The following GLMN variants were observed in gnomAD, a reference collection of about 807,000 sequenced individuals.
The protein encoded by GLMN is glomulin, FKBP associated protein.
A neutral mutation model predicts 87.8 loss-of-function variants in GLMN; 75 were observed. That is an observed-to-expected ratio of 0.85 (90% CI 0.71 to 1.04). GLMN has a LOEUF of 1.04. Among genes scored for constraint, GLMN ranks in the 50% least tolerant of loss-of-function variants. The pLI, the probability that GLMN is intolerant of heterozygous loss-of-function variation, is 0.00. For synonymous variants in GLMN, 206 were observed against 221.6 expected, an observed-to-expected ratio of 0.93 and a Z score of 0.63; for missense variants, 588 against 658.8, an observed-to-expected ratio of 0.89 and a Z score of 1.18.
At chr1:92,251,081 G>A (rs1397667031) in intron 16 of GLMN, among the ~76,000 whole-genome samples, 3 of 152,006 alleles carry the variant, frequency 2.0e-5, no homozygotes, top group Non-Finnish European at 4.4e-5. Flanking sequence ...ACTCTTTGTG[G>A]CAGAAATTGA....
chr1:92,263,816 A>T (rs1297264900), intron 14 of GLMN, 84 bp from the exon 15 acceptor site: 1 of 783,670 alleles, frequency 1.3e-6, no homozygotes, highest in Non-Finnish European at 2.4e-6. Flanking sequence ...TACAAAAATG[A>T]AGAATTGCAC....
chr1:92,280,060 C>T (rs202134692), intron 7 of GLMN, among the ~76,000 whole-genome samples: 6 of 152,254 alleles, frequency 3.9e-5, no homozygotes, highest in Non-Finnish European at 7.3e-5. Flanking sequence ...CAGCAGACAG[C>T]TTCTGCAGAC....
the GLMN span, among the ~76,000 whole-genome samples, chr1:92,306,350 T>C: frequency 2.3e-4 from 35 of 152,194 alleles, no homozygotes; most frequent in African/African-American, 8.0e-4. Context: ...AAAATGCTTA[T>C]GATGATAAAT....
At chr1:92,362,109 T>C in the GLMN span, among the ~76,000 whole-genome samples, 3 of 152,220 alleles carry the variant, frequency 2.0e-5, no homozygotes, top group Non-Finnish European at 4.4e-5. Context: ...TTTTAAAACA[T>C]AGCCTTGCAA....
chr1:92,320,543 T>TA, the GLMN span: 2 of 1,498,554 alleles, frequency 1.3e-6, no homozygotes, highest in Non-Finnish European at 1.9e-6. Flanking sequence ...GTGCTGGGGT[T>TA]ACAGGCATGA....
At chr1:92,266,953 G>A (rs557356790) in intron 11 of GLMN, among the ~76,000 whole-genome samples, 285 of 152,246 alleles carry the variant, frequency 1.9e-3, no homozygotes, top group African/African-American at 6.5e-3. Context: ...GTCACACAGT[G>A]TACTTTTAAA....
the GLMN span, among the ~76,000 whole-genome samples, chr1:92,354,897 A>G: frequency 5.4e-5 from 8 of 148,590 alleles, no homozygotes; most frequent in African/African-American, 2.0e-4. Flanking sequence ...GTAAATTATT[A>G]TTATTATTAT....
intron 8 of GLMN, among the ~76,000 whole-genome samples, 196 bp downstream of exon 8, chr1:92,271,269 A>G (rs1656205340): frequency 6.6e-6 from 1 of 152,100 alleles, no homozygotes; most frequent in Non-Finnish European, 1.5e-5. Context: ...CACCTATTTC[A>G]ACACTCCCCA....
At chr1:92,325,105 A>G in the GLMN span, among the ~76,000 whole-genome samples, 1 of 152,188 alleles carries the variant, frequency 6.6e-6, no homozygotes, top group East Asian at 1.9e-4. Context: ...GAGATTGAAA[A>G]TGTGCCACTG....
At chr1:92,264,687 G>A (rs1295872837) in intron 13 of GLMN, 49 bp from the exon 14 acceptor site, 4 of 972,796 alleles carry the variant, frequency 4.1e-6, no homozygotes, top group Admixed American at 1.7e-5. Flanking sequence ...GACAGCATTA[G>A]AATTAAATGG....
upstream of GLMN, chr1:92,300,323 CTT>C (rs565648906): frequency 2.2e-4 from 179 of 829,834 alleles, no homozygotes; most frequent in South Asian, 4.0e-4. Flanking sequence ...TAATGGTTAC[CTT>C]TTTTTTTTTA....
chr1:92,287,875 AAATAT>A (rs1246449595), intron 6 of GLMN, among the ~76,000 whole-genome samples: 1 of 152,110 alleles, frequency 6.6e-6, no homozygotes, highest in Non-Finnish European at 1.5e-5. Flanking sequence ...TGTCCAATAG[AAATAT>A]AACACAGCCC....
At chr1:92,285,303 T>G (rs1489346538) in intron 7 of GLMN, among the ~76,000 whole-genome samples, 2 of 152,204 alleles carry the variant, frequency 1.3e-5, no homozygotes, top group African/African-American at 4.8e-5. Context: ...GATGAGTTCA[T>G]GTCCTTTGCA....
chr1:92,331,560 A>G, the GLMN span, among the ~76,000 whole-genome samples: 1 of 152,170 alleles, frequency 6.6e-6, no homozygotes, highest in African/African-American at 2.4e-5. Context: ...AGTCTAATGT[A>G]AGTTAATACT....
chr1:92,256,245 T>C (rs1014946186), intron 16 of GLMN, among the ~76,000 whole-genome samples: 6 of 151,920 alleles, frequency 3.9e-5, no homozygotes, highest in Non-Finnish European at 7.4e-5. Flanking sequence ...AGTTCTGAAA[T>C]TGAGGCAGTA....
At chr1:92,310,099 A>C in the GLMN span, among the ~76,000 whole-genome samples, 68 of 152,318 alleles carry the variant, frequency 4.5e-4, no homozygotes, top group Middle Eastern at 6.8e-3. Flanking sequence ...ATTAGAAGGA[A>C]ACAGTGAATA....
At chr1:92,302,104 A>G (rs1275363223), upstream of GLMN, among the ~76,000 whole-genome samples, 1 of 152,158 alleles carries the variant, frequency 6.6e-6, no homozygotes, top group Admixed American at 6.5e-5. Flanking sequence ...AACATGGTGA[A>G]ACCTCGTTTC....
At chr1:92,327,138 A>C in the GLMN span, among the ~76,000 whole-genome samples, 7 of 152,218 alleles carry the variant, frequency 4.6e-5, no homozygotes. Flanking sequence ...AATCAAAATT[A>C]TATCAAATAT....
chr1:92,266,091 A>T (rs1300418025), intron 13 of GLMN, among the ~76,000 whole-genome samples: 2 of 152,208 alleles, frequency 1.3e-5, no homozygotes, highest in East Asian at 1.9e-4. Flanking sequence ...TGAGTAATGG[A>T]GATTAGTGAC....
Sources: gnomAD v4.1 joint callset for allele counts (sites outside exome capture counted in the v4.1 genomes callset) on GRCh38, gnomAD v4.1.1 for gene constraint, MANE v1.5 for transcripts, NCBI Gene and HGNC (gene_info 2026-07-23, HGNC 2026-07-21) for gene names.